The following ACTR1A variants were observed in gnomAD, a reference collection of about 807,000 sequenced individuals.
The protein encoded by ACTR1A is alpha-centractin.
In ACTR1A, 10 loss-of-function variants were observed where a neutral mutation model predicts 50.7. The observed-to-expected ratio is 0.20, with a 90% CI of 0.12 to 0.33. The LOEUF is 0.33. ACTR1A is among the 10% of genes least tolerant of loss of function. ACTR1A has a pLI of 1.00. For synonymous variants in ACTR1A, 177 were observed against 184.2 expected (o/e 0.96, Z 0.32); for missense variants, 253 against 491.7 (o/e 0.51, Z 4.59).
At chr10:102,486,453 G>C (rs770542920) in intron 4 of ACTR1A, among the ~76,000 whole-genome samples, 1 of 152,170 alleles carries the variant, frequency 6.6e-6, no homozygotes, top group Non-Finnish European at 1.5e-5. Context: ...ACCTTGGGAG[G>C]CTGAGGCGTG....
In ACTR1A at chr10:102,485,719, C is replaced by T. The variant is rs1426637346; in HGVS notation, c.330G>A (p.Leu110=). Residue 110 remains leucine (L), a synonymous_variant, in exon 5 of 11, where the codon CTG becomes CTA. Transcript: ENST00000369905. ...TTCGTGGGTTTAAAGGCGCCTCAGT[C>T]AGGAGCACAGGATGCTGGTGAAAGG... ...QTFSEEHPVL[L]TEAPLNPRKN... is the part of the protein sequence containing the mutation. 2 of 1,613,918 alleles carry T rather than the reference C, an allele frequency of 1.2e-6. No homozygotes were observed. The highest frequency in any genetic ancestry group is 1.7e-6 in the Non-Finnish European group (2 of 1,180,022).
chr10:102,480,003 T>G lies in ACTR1A; in HGVS notation c.*860A>C, dbSNP rs2062130285. ...AGAGGTGGGGCCCTGGAGGCTAAGCTTAGGTGCTGTAAACATTAGTGTAGC... is the reference window on the plus strand; with the variant it reads ...AGAGGTGGGGCCCTGGAGGCTAAGCGTAGGTGCTGTAAACATTAGTGTAGC... On this transcript the variant is annotated 3_prime_UTR_variant, in exon 11 of 11. Coordinates refer to ENST00000369905, the MANE Select transcript of ACTR1A (RefSeq NM_005736.4). 1 of 219,836 alleles carries G rather than the reference T, an allele frequency of 4.5e-6. No homozygotes were observed. Among genetic ancestry groups the G allele is most frequent in the South Asian group, 6.2e-5 (1 of 16,152 alleles). 13.6% of individuals were successfully genotyped at this position (219,836 alleles called of 1,614,324 possible). A position where few individuals can be genotyped will look rare whatever the true frequency, so the allele number is the denominator to read the frequency against.
chr10:102,482,199 A>G lies in ACTR1A; in HGVS notation c.751-24T>C, dbSNP rs1358495772. 3.1e-6 allele frequency: 5 copies of G among 1,607,022 alleles called. No individual in the cohort carries two copies. In the Admixed American group the frequency reaches 6.7e-5, roughly 21 times the overall value. ...ATCTGCAGGTAGGAGGGCCAGCTGAAGAGGTCGGAGCTGGGACCAAGGTCC... is the reference window on the plus strand; with the variant it reads ...ATCTGCAGGTAGGAGGGCCAGCTGAGGAGGTCGGAGCTGGGACCAAGGTCC... On this transcript the variant is annotated intron_variant, in intron 7 of 10. Transcript: ENST00000369905. This position sits in a 1 kb window ranked among gnomAD's most constrained non-coding sequence, Gnocchi z 5.6.
rs963228003 is a variant in ACTR1A at position 102,479,916 on chromosome 10, G to A, written c.*947C>T. Reference sequence around the variant, plus strand: ...GAGCCTGGTGGGAGTGTCTTTGAGTGTAGCTTCCAATCTCAAATGGTCCTG... The same window carrying A: ...GAGCCTGGTGGGAGTGTCTTTGAGTATAGCTTCCAATCTCAAATGGTCCTG... On this transcript the variant is annotated 3_prime_UTR_variant, in exon 11 of 11. Coordinates refer to ENST00000369905, the MANE Select transcript of ACTR1A (RefSeq NM_005736.4). This position sits in a 1 kb window ranked among gnomAD's most constrained non-coding sequence, Gnocchi z 4.0. 2.6e-5 allele frequency: 8 copies of A among 307,540 alleles called. No individual in the cohort carries two copies. Among genetic ancestry groups the A allele is most frequent in the Non-Finnish European group, 4.6e-5 (7 of 152,804 alleles). The allele number at this position is 307,540 out of a possible 1,614,324, so 19.1% of individuals were successfully genotyped here. A position where few individuals can be genotyped will look rare whatever the true frequency, so the allele number is the denominator to read the frequency against.
intron 1 of ACTR1A, among the ~76,000 whole-genome samples, chr10:102,497,599 A>T (rs2135589536): frequency 6.6e-6 from 1 of 152,122 alleles, no homozygotes; most frequent in South Asian, 2.1e-4. Flanking sequence ...AAAAAAATTT[A>T]AAAACAAATA....
At chr10:102,502,492 A>C in intron 1 of ACTR1A, 108 bp downstream of exon 1, 1 of 1,245,746 alleles carries the variant, frequency 8.0e-7, no homozygotes, top group Non-Finnish European at 1.2e-6. Flanking sequence ...CGCGCCTGAC[A>C]GGCCGGGCCA....
rs1352156684 is a variant in ACTR1A, at chr10:102,483,108, A to G, written c.658-5T>C. 6.2e-7 allele frequency: 1 copy of G among 1,610,212 alleles called. No individual in the cohort carries two copies. Among genetic ancestry groups the G allele is most frequent in the African/African-American group, 1.3e-5 (1 of 74,856 alleles). On this transcript the variant is annotated splice_region_variant and splice_polypyrimidine_tract_variant and intron_variant, in intron 6 of 10. Transcript: ENST00000369905. ...TATGGATAGGTAACAGGCTCTCTGC[A>G]GATCCAAGCAAGACAGTCAGGCTGG... is the stretch of plus-strand genomic sequence containing the variant.
Position 102,489,144 on chromosome 10 carries a change from A to G in ACTR1A, c.114-6T>C, listed in dbSNP as rs1324751430. ...CGTGCTTGGGTCGGCCCACACTAGA[A>G]AAGACAGTGAGGAGGACCATCATTT... On this transcript the variant is annotated splice_polypyrimidine_tract_variant and splice_region_variant and intron_variant, in intron 2 of 10. Transcript: ENST00000369905. The G allele has an allele frequency of 6.4e-7, 1 of 1,558,684 alleles. No homozygotes were observed. The highest frequency in any genetic ancestry group is 1.4e-5 in the African/African-American group (1 of 72,348).
intron 1 of ACTR1A, among the ~76,000 whole-genome samples, chr10:102,498,823 A>C (rs1489253254): frequency 6.6e-6 from 1 of 152,150 alleles, no homozygotes; most frequent in Non-Finnish European, 1.5e-5. Flanking sequence ...ATTCTGATCA[A>C]AGTGTAGTCC....
At chr10:102,502,073 C>A (rs1217392392) in intron 1 of ACTR1A, among the ~76,000 whole-genome samples, 1 of 152,226 alleles carries the variant, frequency 6.6e-6, no homozygotes, top group East Asian at 1.9e-4. Flanking sequence ...CGCGGGCGGG[C>A]ACTCGCCTCT....
intron 1 of ACTR1A, among the ~76,000 whole-genome samples, chr10:102,492,371 T>G (rs1170035198): frequency 6.6e-6 from 1 of 152,010 alleles, no homozygotes; most frequent in East Asian, 1.9e-4. Context: ...GCCTGGCCTC[T>G]TCTTCCTTCT....
intron 1 of ACTR1A, among the ~76,000 whole-genome samples, chr10:102,501,012 A>C (rs1366162416): frequency 1.3e-5 from 2 of 151,754 alleles, no homozygotes; most frequent in Non-Finnish European, 2.9e-5. Context: ...TTGAGGCTGC[A>C]GTGAGCTGTG....
At chr10:102,484,870 T>C (rs909502398) in intron 5 of ACTR1A, among the ~76,000 whole-genome samples, 3 of 152,178 alleles carry the variant, frequency 2.0e-5, no homozygotes, top group African/African-American at 7.2e-5. Flanking sequence ...ACTGACCCCC[T>C]GCTTCAGTGC....
chr10:102,485,832 G>A, intron 4 of ACTR1A, 99 bp from the exon 5 acceptor site: 1 of 1,530,214 alleles, frequency 6.5e-7, no homozygotes, highest in African/African-American at 1.4e-5. Context: ...TGAGAGCCCG[G>A]GGACTTCAGT....
chr10:102,481,968 TC>T, intron 8 of ACTR1A, 32 bp downstream of exon 8: 2 of 1,613,896 alleles, frequency 1.2e-6, no homozygotes, highest in Non-Finnish European at 1.7e-6. Flanking sequence ...GCTGAACACT[TC>T]CAGGGGAAGG....
At position 102,482,124 on chromosome 10, in the gene ACTR1A, T is replaced by A. The variant is rs771557455; in HGVS notation, c.802A>T (p.Ile268Phe). Residue 268 changes from isoleucine to phenylalanine, a missense_variant, in exon 8 of 11, where the codon ATT becomes TTT. Physicochemically the swap from Ile to Phe is conservative, Grantham distance 21 (BLOSUM62 0). Coordinates refer to ENST00000369905, the MANE Select transcript of ACTR1A (RefSeq NM_005736.4). The surrounding 1 kb of genome is among the most constrained non-coding windows in gnomAD (Gnocchi z 5.6). ...TGGATGCCTTCACTCTCCTCTCCAA[T>A]CAAATCTGGCCTGAAGAGCAACTCA... ...APELLFRPDL[I>F]GEESEGIHEV... The A allele has an allele frequency of 6.2e-7, 1 of 1,613,954 alleles. No individual in the cohort carries two copies. Among genetic ancestry groups the A allele is most frequent in the Admixed American group, 1.7e-5 (1 of 60,010 alleles).
rs2062139648 is a variant in ACTR1A, at chr10:102,481,259, G to T, written c.988-87C>A. ...ATGCTCCTCTTTCTGCCCATGGCAG[G>T]GGATACATTTTACACAAGCCTGAAG... On this transcript the variant is annotated intron_variant, in intron 9 of 10. Coordinates refer to ENST00000369905, the MANE Select transcript of ACTR1A (RefSeq NM_005736.4). 5.0e-6 allele frequency: 7 copies of T among 1,404,456 alleles called. No individual in the cohort carries two copies. The African/African-American group carries it at 1.0e-4, about 20-fold the overall frequency. 87.0% of individuals were successfully genotyped at this position (1,404,456 alleles called of 1,614,324 possible). A position where few individuals can be genotyped will look rare whatever the true frequency, so the allele number is the denominator to read the frequency against.
rs1011973788 is a variant in ACTR1A at position 102,488,479 on chromosome 10, G to A, written c.190-204C>T. Among the ~76,000 whole-genome samples the A allele has an allele frequency of 6.6e-6, 1 of 152,212 alleles. No homozygotes were observed. The highest frequency in any genetic ancestry group is 2.4e-5 in the African/African-American group (1 of 41,444). ...TTTGCTGCAAACTGCCCTCATTCCC[G>A]AGGAGCCGGCAAAGCAGGGGCTTCT... On this transcript the variant is annotated intron_variant, in intron 3 of 10. Transcript: ENST00000369905. The surrounding 1 kb of genome is among the most constrained non-coding windows in gnomAD (Gnocchi z 4.4).
At chr10:102,484,781 CAGG>C (rs2062158941) in intron 5 of ACTR1A, among the ~76,000 whole-genome samples, 1 of 152,162 alleles carries the variant, frequency 6.6e-6, no homozygotes, top group Admixed American at 6.5e-5. Context: ...AAAACAAAGG[CAGG>C]AGAAGACCCT....
Sources: gnomAD v4.1 joint callset for allele counts (sites outside exome capture counted in the v4.1 genomes callset) on GRCh38, gnomAD v4.1.1 for gene constraint, Gnocchi (gnomAD v3.1) non-coding constraint, MANE v1.5 for transcripts, NCBI Gene and HGNC (gene_info 2026-07-23, HGNC 2026-07-21) for gene names.